RPTOR: variants seen among roughly 807,000 people sequenced by gnomAD.
The protein encoded by RPTOR is regulatory associated protein of MTOR complex 1.
Under a neutral mutation model 169.9 loss-of-function variants are expected in RPTOR, and 21 were observed. The observed-to-expected ratio is 0.12, with a 90% CI of 0.09 to 0.18. The LOEUF is 0.18. Ranked by LOEUF, RPTOR falls within the 10% of genes least tolerant of loss-of-function variation. The pLI is 1.00. For missense variants in RPTOR, 1,133 were observed against 1,855.9 expected (o/e 0.61, Z 7.16); for synonymous variants, 732 against 753.2 (o/e 0.97, Z 0.46).
chr17:80,634,183 GCATAC>G (rs2065465422), intron 2 of RPTOR, among the ~76,000 whole-genome samples: 3 of 123,312 alleles, frequency 2.4e-5, no homozygotes, highest in African/African-American at 3.1e-5. Flanking sequence ...GTGTGTGTGC[GCATAC>G]TGTGTGTGCA....
rs527273142 is a variant in RPTOR at position 80,890,129 on chromosome 17, C to T, written c.1984-1591C>T. ...CCCCGTGCGCAGCAGGATGTGTGTTCGGGAGTGAGTGCTCTCTGGACATTC... is the reference window on the plus strand; with the variant it reads ...CCCCGTGCGCAGCAGGATGTGTGTTTGGGAGTGAGTGCTCTCTGGACATTC... On this transcript the variant is annotated intron_variant, in intron 17 of 33. Transcript: ENST00000306801. 1.9e-3 allele frequency among the ~76,000 whole-genome samples: 294 copies of T among 152,160 alleles called. 1 individual carries two copies. Among genetic ancestry groups the T allele is most frequent in the Admixed American group, 5.4e-3 (83 of 15,288 alleles).
intron 19 of RPTOR, among the ~76,000 whole-genome samples, chr17:80,893,429 C>G (rs1300437293): frequency 1.6e-5 from 2 of 125,874 alleles, no homozygotes; most frequent in Non-Finnish European, 3.2e-5. Context: ...TGTGTGTGTG[C>G]CAGGGTGTGT....
At chr17:80,798,094 G>C (rs1326215346) in intron 7 of RPTOR, among the ~76,000 whole-genome samples, 1 of 152,202 alleles carries the variant, frequency 6.6e-6, no homozygotes, top group Non-Finnish European at 1.5e-5. Context: ...TTGACGCTGG[G>C]ACCAGGGTGC....
chr17:80,547,708 G>A (rs1296316400), intron 1 of RPTOR, among the ~76,000 whole-genome samples: 2 of 152,164 alleles, frequency 1.3e-5, no homozygotes, highest in African/African-American at 4.8e-5. Context: ...CTCAAGGACC[G>A]TATCACACAT....
intron 1 of RPTOR, among the ~76,000 whole-genome samples, chr17:80,582,177 A>G (rs1017223274): frequency 1.1e-4 from 16 of 152,188 alleles, no homozygotes; most frequent in African/African-American, 3.1e-4. Context: ...ATGTTGCTGG[A>G]AAGATGCTTG....
chr17:80,880,379 G>A (rs1245905518), intron 13 of RPTOR, 36 bp from the exon 14 acceptor site: 1 of 1,586,640 alleles, frequency 6.3e-7, no homozygotes, highest in Non-Finnish European at 8.7e-7. Context: ...GCGGGACACT[G>A]CACTCACTGC....
intron 2 of RPTOR, among the ~76,000 whole-genome samples, chr17:80,634,131 TGC>T (rs2065463625): frequency 7.0e-6 from 1 of 143,128 alleles, no homozygotes; most frequent in African/African-American, 2.7e-5. Flanking sequence ...TGTGTGTGTG[TGC>T]ATACTGTGTG....
chr17:80,725,761 C>T (rs1042143653), intron 4 of RPTOR, among the ~76,000 whole-genome samples: 1 of 152,158 alleles, frequency 6.6e-6, no homozygotes, highest in Non-Finnish European at 1.5e-5. Context: ...AATCAGGATT[C>T]GCTATCAAAG....
chr17:80,768,872 A>T (rs1325137301), intron 6 of RPTOR, among the ~76,000 whole-genome samples: 2 of 152,180 alleles, frequency 1.3e-5, no homozygotes, highest in Non-Finnish European at 2.9e-5. Context: ...GTCACATTGC[A>T]TGCAAAAACT....
rs772995479 is a variant in RPTOR at position 80,925,441 on chromosome 17, C to T, written c.2880C>T (p.Cys960=). 8.7e-6 allele frequency: 14 copies of T among 1,613,450 alleles called. 1 individual carries two copies. Among genetic ancestry groups the T allele is most frequent in the South Asian group, 3.3e-5 (3 of 91,092 alleles). ...FISATVQTGF[C]DWSARYFAQP... is the part of the protein sequence containing the mutation. ...CCGCCACGGTGCAGACGGGGTTCTG[C>T]GACTGGAGCGCCCGCTATTTTGCCC... Residue 960 remains cysteine (C), a synonymous_variant, in exon 24 of 34, where the codon TGC becomes TGT. Coordinates refer to ENST00000306801, the MANE Select transcript of RPTOR (RefSeq NM_020761.3).
rs1371456796 is a variant in RPTOR at position 80,659,998 on chromosome 17, T to C, written c.348+16188T>C. The stretch of plus-strand genomic sequence containing the variant: ...ATAAGAATTTAAATGAGGCCGGGCG[T>C]GGTGGCTCATGCCTGTAATCCCAGC... On this transcript the variant is annotated intron_variant, in intron 3 of 33. Transcript: ENST00000306801. The surrounding 1 kb of genome is among the most constrained non-coding windows in gnomAD (Gnocchi z 4.3). Among the ~76,000 whole-genome samples, 1 of 151,340 alleles carries C rather than the reference T, an allele frequency of 6.6e-6. No homozygotes were observed. Among genetic ancestry groups the C allele is most frequent in the Non-Finnish European group, 1.5e-5 (1 of 67,860 alleles).
At chr17:80,950,076 G>C (rs1416259918) in intron 28 of RPTOR, among the ~76,000 whole-genome samples, 1 of 152,192 alleles carries the variant, frequency 6.6e-6, no homozygotes, top group Non-Finnish European at 1.5e-5. Flanking sequence ...GGTGCGGGGC[G>C]AGGCGCAGGC....
intron 1 of RPTOR, among the ~76,000 whole-genome samples, chr17:80,621,548 G>A (rs1037473161): frequency 2.6e-5 from 4 of 152,132 alleles, no homozygotes; most frequent in Non-Finnish European, 4.4e-5. Flanking sequence ...TTCACCCAGC[G>A]AGCTTGCCCT....
intron 6 of RPTOR, among the ~76,000 whole-genome samples, chr17:80,771,024 T>C (rs1652782763): frequency 6.6e-6 from 1 of 152,208 alleles, no homozygotes; most frequent in African/African-American, 2.4e-5. Context: ...ATCGAGGTGA[T>C]CGCTGCCTTC....
intron 14 of RPTOR, among the ~76,000 whole-genome samples, chr17:80,883,047 C>T (rs1353609367): frequency 6.6e-6 from 1 of 152,172 alleles, no homozygotes; most frequent in Admixed American, 6.5e-5. Context: ...TGCCAAAGCC[C>T]CTGATTGCAG....
chr17:80,925,234 A>G (rs773544964), intron 23 of RPTOR, 136 bp from the exon 24 acceptor site: 8 of 678,544 alleles, frequency 1.2e-5, no homozygotes, highest in Non-Finnish European at 2.0e-5. Context: ...AGCAGAGCAC[A>G]GAAGTGCCGT....
At chr17:80,575,953 T>C (rs1156539837) in intron 1 of RPTOR, among the ~76,000 whole-genome samples, 1 of 152,234 alleles carries the variant, frequency 6.6e-6, no homozygotes, top group Non-Finnish European at 1.5e-5. Flanking sequence ...GGAGTCTATA[T>C]TGTTGTAAAG....
intron 1 of RPTOR, among the ~76,000 whole-genome samples, chr17:80,601,380 G>A (rs1489568039): frequency 4.0e-5 from 1 of 24,984 alleles, no homozygotes; most frequent in Non-Finnish European, 9.0e-5. Flanking sequence ...CTGTGCAGCC[G>A]CAGCGCCGGC....
At chr17:80,834,276 G>A (rs2067539142) in intron 9 of RPTOR, among the ~76,000 whole-genome samples, 1 of 152,240 alleles carries the variant, frequency 6.6e-6, no homozygotes, top group African/African-American at 2.4e-5. Context: ...TCTTTCAGCG[G>A]TTTGTAGGCG....
Sources: gnomAD v4.1 joint callset for allele counts (sites outside exome capture counted in the v4.1 genomes callset) on GRCh38, gnomAD v4.1.1 for gene constraint, Gnocchi (gnomAD v3.1) non-coding constraint, MANE v1.5 for transcripts, NCBI Gene and HGNC (gene_info 2026-07-23, HGNC 2026-07-21) for gene names.